The following SHLD2 variants were observed in gnomAD, a reference collection of about 807,000 sequenced individuals.
SHLD2 encodes the protein shieldin complex subunit 2.
SHLD2 carries 30 observed loss-of-function variants against 73.2 expected under a neutral mutation model. That is an observed-to-expected ratio of 0.41 (90% confidence interval 0.31 to 0.56). The LOEUF (loss-of-function observed/expected upper bound fraction) is 0.56. SHLD2 is among the 20% of genes least tolerant of loss of function. The pLI, the probability that SHLD2 is intolerant of heterozygous loss-of-function variation, is 0.28. For missense variants in SHLD2, 745 were observed against 1,055.9 expected (o/e 0.71, Z 4.08); for synonymous variants, 285 against 370.1 (o/e 0.77, Z 2.64).
chr10:87,100,951 G>C (rs1317878723), intron 2 of SHLD2, among the ~76,000 whole-genome samples: 1 of 152,110 alleles, frequency 6.6e-6, no homozygotes. Flanking sequence ...AGATCAATTT[G>C]GGAATTAGTG....
chr10:87,175,110 C>G (rs967515393), intron 6 of SHLD2, among the ~76,000 whole-genome samples: 1 of 99,182 alleles, frequency 1.0e-5, no homozygotes, highest in African/African-American at 4.3e-5. Flanking sequence ...GAGCGAGACT[C>G]CATCTCAAAA....
In SHLD2 at chr10:87,152,590, T is replaced by A. The variant is rs1278162842; in HGVS notation, c.1236T>A (p.Ala412=). The change falls in exon 3 of 10, where the codon GCT becomes GCA. Residue 412 remains alanine, a synonymous_variant. Coordinates refer to ENST00000298786, the MANE Select transcript of SHLD2 (RefSeq NM_001330112.2). The part of the protein sequence containing the change: ...MKLISNGGDS[A]VEMDRRNVSE... ...TGATTTCTAATGGAGGAGATTCTGC[T>A]GTAGAAATGGATCGGAGAAATGTGT... is the stretch of plus-strand genomic sequence containing the variant. The A allele has an allele frequency of 2.5e-6, 4 of 1,610,118 alleles. No individual in the cohort carries two copies. In the South Asian group the frequency reaches 3.3e-5, roughly 13 times the overall value.
chr10:87,157,438 A>G (rs904438662), intron 3 of SHLD2, among the ~76,000 whole-genome samples: 3 of 152,018 alleles, frequency 2.0e-5, no homozygotes, highest in Admixed American at 2.0e-4. Context: ...TCTACCTACA[A>G]TTGTTTCTAC....
intron 3 of SHLD2, among the ~76,000 whole-genome samples, chr10:87,155,899 C>G (rs1441011411): frequency 6.6e-6 from 1 of 151,780 alleles, no homozygotes; most frequent in African/African-American, 2.4e-5. Context: ...AAAAGAGGAC[C>G]TAGTTCACTT....
chr10:87,094,888 T>A, upstream of SHLD2: 1 of 692,508 alleles, frequency 1.4e-6, no homozygotes. The surrounding 1 kb of genome is among the most constrained non-coding windows in gnomAD (Gnocchi z 6.6). Context: ...AGCTTCCTGC[T>A]TGCCCGGCTG....
At chr10:87,171,297 A>AT (rs71477647) in intron 6 of SHLD2, among the ~76,000 whole-genome samples, 24 of 151,950 alleles carry the variant, frequency 1.6e-4, no homozygotes, top group Non-Finnish European at 1.5e-5. Context: ...AGCTTCTACA[A>AT]TTTTTTTTCA....
chr10:87,124,737 A>G (rs1259512344), intron 2 of SHLD2, among the ~76,000 whole-genome samples: 1 of 145,760 alleles, frequency 6.9e-6, no homozygotes, highest in Non-Finnish European at 1.5e-5. Flanking sequence ...CATTATAGTT[A>G]AAAAAATTGT....
At chr10:87,130,669 C>T (rs1003367798) in intron 2 of SHLD2, among the ~76,000 whole-genome samples, 10 of 152,144 alleles carry the variant, frequency 6.6e-5, no homozygotes, top group Admixed American at 2.0e-4. Flanking sequence ...ATTCTGTGGA[C>T]GAAGGTTGGT....
intron 2 of SHLD2, among the ~76,000 whole-genome samples, chr10:87,148,990 C>T (rs1383196033): frequency 6.6e-6 from 1 of 150,878 alleles, no homozygotes; most frequent in African/African-American, 2.4e-5. Flanking sequence ...CGGGTTCAAG[C>T]GATTCTCCTG....
chr10:87,136,415 G>A (rs1844804173), intron 2 of SHLD2, among the ~76,000 whole-genome samples: 1 of 150,266 alleles, frequency 6.7e-6, no homozygotes, highest in East Asian at 2.0e-4. Flanking sequence ...ATGGAGCCTT[G>A]GTTCCTTTTA....
At chr10:87,097,199 A>T (rs565779572) in intron 2 of SHLD2, among the ~76,000 whole-genome samples, 3 of 152,316 alleles carry the variant, frequency 2.0e-5, no homozygotes, top group Admixed American at 2.0e-4. Flanking sequence ...TGTTCTTTAT[A>T]ACCTTAGCCT....
chr10:87,187,448 A>G (rs1367635824), intron 9 of SHLD2, among the ~76,000 whole-genome samples: 1 of 152,142 alleles, frequency 6.6e-6, no homozygotes, highest in Non-Finnish European at 1.5e-5. Flanking sequence ...GGTAAGCAAA[A>G]ACTATTTTAC....
intron 3 of SHLD2, among the ~76,000 whole-genome samples, chr10:87,153,383 G>C (rs1647429166): frequency 6.6e-6 from 1 of 152,212 alleles, no homozygotes; most frequent in South Asian, 2.1e-4. Context: ...TCCAGCCCGA[G>C]CAACAGAGTT....
Position 87,152,093 on chromosome 10 carries a change from A to G in SHLD2, c.739A>G (p.Thr247Ala). ...TGATACAGAATTTCTCAGTATAATT[A>G]CCTCCAGCCAGGTTGCTTTTTTAGC... Reference protein sequence around the residue: ...STDTEFLSIITSSQVAFLAQK... With the variant: ...STDTEFLSIIASSQVAFLAQK... The change falls in exon 3 of 10, where the codon ACC becomes GCC. Residue 247 changes from threonine to alanine, a missense_variant. Thr to Ala is a moderately conservative substitution (Grantham distance 58). This residue lies in a region of SHLD2 where 280 missense variants were observed against 353.9 expected (regional missense o/e 0.79). Coordinates refer to ENST00000298786, the MANE Select transcript of SHLD2 (RefSeq NM_001330112.2). 6.2e-7 allele frequency: 1 copy of G among 1,611,972 alleles called. No individual in the cohort carries two copies. The highest frequency in any genetic ancestry group is 8.5e-7 in the Non-Finnish European group (1 of 1,179,830).
At chr10:87,179,130 GA>G (rs1848141536) in intron 7 of SHLD2, among the ~76,000 whole-genome samples, 1 of 152,156 alleles carries the variant, frequency 6.6e-6, no homozygotes, top group Admixed American at 6.5e-5. Flanking sequence ...ACAGTAAGAC[GA>G]AAGTAAATTA....
At chr10:87,187,813 T>G (rs1391055657) in intron 9 of SHLD2, among the ~76,000 whole-genome samples, 8 of 152,204 alleles carry the variant, frequency 5.3e-5, no homozygotes, top group Non-Finnish European at 1.2e-4. Flanking sequence ...AAATAGTATT[T>G]GTACCTGGAA....
At chr10:87,170,726 A>G in intron 5 of SHLD2, 54 bp downstream of exon 5, 1 of 1,556,054 alleles carries the variant, frequency 6.4e-7, no homozygotes, top group Non-Finnish European at 8.7e-7. Flanking sequence ...TTAAGATACA[A>G]GACCATCTTA....
chr10:87,137,052 A>T, intron 2 of SHLD2, among the ~76,000 whole-genome samples: 1 of 152,298 alleles, frequency 6.6e-6, no homozygotes, highest in South Asian at 2.1e-4. Flanking sequence ...TAAGTAATCT[A>T]TTTTTATATA....
At position 87,171,108 on chromosome 10, in the gene SHLD2, G is replaced by A. The variant is rs559685467; in HGVS notation, c.1963+134G>A. 1.6e-3 allele frequency: 980 copies of A among 611,208 alleles called. 14 individuals carry two copies. In the South Asian group the frequency reaches 0.019, roughly 12 times the overall value. The allele number at this position is 611,208 out of a possible 1,614,324, so 37.9% of individuals were successfully genotyped here. On this transcript the variant is annotated intron_variant, in intron 6 of 9. Transcript: ENST00000298786. Reference sequence around the variant, plus strand: ...AGTGATCATGATTGAATATTCTTCTGCAAATTTCTTCTGTTAAAATTTTGT... The same window carrying A: ...AGTGATCATGATTGAATATTCTTCTACAAATTTCTTCTGTTAAAATTTTGT...
Sources: allele counts gnomAD v4.1 joint callset (sites outside exome capture counted in the v4.1 genomes callset), GRCh38; gene constraint gnomAD v4.1.1; regional missense constraint gnomAD v4.1.1; non-coding constraint Gnocchi (gnomAD v3.1); transcripts MANE v1.5; gene names NCBI Gene and HGNC (gene_info 2026-07-23, HGNC 2026-07-21).